LOC128462377: variants seen among roughly 807,000 people sequenced by gnomAD.
chr16:89,353,360 G>A, the LOC128462377 span, among the ~76,000 whole-genome samples: 1 of 150,644 alleles, frequency 6.6e-6, no homozygotes, highest in South Asian at 2.1e-4. Context: ...AAGAGAGAGA[G>A]AGAGAGAGAG....
At chr16:89,343,463 A>C in the LOC128462377 span, among the ~76,000 whole-genome samples, 1 of 152,236 alleles carries the variant, frequency 6.6e-6, no homozygotes, top group Non-Finnish European at 1.5e-5. Context: ...AAGCCAGGGT[A>C]CACAGGTATT....
At chr16:89,317,073 C>T in the LOC128462377 span, 26 of 1,561,310 alleles carry the variant, frequency 1.7e-5, no homozygotes, top group Admixed American at 1.3e-4. Context: ...CATCATCAAC[C>T]GTCTGCTTCA....
the LOC128462377 span, among the ~76,000 whole-genome samples, chr16:89,369,566 A>G: frequency 6.6e-6 from 1 of 152,242 alleles, no homozygotes; most frequent in Non-Finnish European, 1.5e-5. Flanking sequence ...CCACAGACAG[A>G]AAACAAGACT....
At chr16:89,355,389 T>G in the LOC128462377 span, among the ~76,000 whole-genome samples, 1 of 152,212 alleles carries the variant, frequency 6.6e-6, no homozygotes, top group Non-Finnish European at 1.5e-5. Flanking sequence ...ACAGAAGAGC[T>G]GATTAAGTTT....
the LOC128462377 span, among the ~76,000 whole-genome samples, chr16:89,326,121 A>T: frequency 6.6e-6 from 1 of 152,240 alleles, no homozygotes; most frequent in Non-Finnish European, 1.5e-5. Flanking sequence ...AAATGTGATG[A>T]AGACAAAGAA....
the LOC128462377 span, among the ~76,000 whole-genome samples, chr16:89,414,739 C>T: frequency 6.6e-6 from 1 of 152,046 alleles, no homozygotes; most frequent in African/African-American, 2.4e-5. Flanking sequence ...CACACCTGGC[C>T]CAACCTCAGG....
the LOC128462377 span, among the ~76,000 whole-genome samples, chr16:89,383,123 G>C: frequency 6.6e-6 from 1 of 152,244 alleles, no homozygotes; most frequent in African/African-American, 2.4e-5. Flanking sequence ...GGGTGTGCTG[G>C]CTCATGCGGA....
At chr16:89,385,985 G>A in the LOC128462377 span, among the ~76,000 whole-genome samples, 2 of 152,202 alleles carry the variant, frequency 1.3e-5, no homozygotes, top group African/African-American at 2.4e-5. Flanking sequence ...GGCTCAAGCC[G>A]GCCTCCCGCT....
At chr16:89,409,389 C>T in the LOC128462377 span, among the ~76,000 whole-genome samples, 1 of 152,222 alleles carries the variant, frequency 6.6e-6, no homozygotes, top group African/African-American at 2.4e-5. Context: ...CGGTCCCCAT[C>T]CTCAGGCCAT....
chr16:89,354,023 T>C, the LOC128462377 span, among the ~76,000 whole-genome samples: 2 of 152,050 alleles, frequency 1.3e-5, no homozygotes, highest in Non-Finnish European at 2.9e-5. Flanking sequence ...TGTAAATAAT[T>C]GATGGGAGCC....
At chr16:89,357,743 C>T in the LOC128462377 span, among the ~76,000 whole-genome samples, 1 of 152,216 alleles carries the variant, frequency 6.6e-6, no homozygotes, top group Non-Finnish European at 1.5e-5. Context: ...GGACAAACAG[C>T]AGCTGCACAA....
At chr16:89,341,509 C>T in the LOC128462377 span, among the ~76,000 whole-genome samples, 1 of 152,156 alleles carries the variant, frequency 6.6e-6, no homozygotes, top group African/African-American at 2.4e-5. Flanking sequence ...CGGCTCTAAA[C>T]ATATGTGCAG....
the LOC128462377 span, among the ~76,000 whole-genome samples, chr16:89,385,807 C>T: frequency 9.2e-5 from 14 of 152,370 alleles, no homozygotes; most frequent in East Asian, 3.9e-4. Flanking sequence ...TGCCTCACCC[C>T]CGCCGCTGCG....
the LOC128462377 span, among the ~76,000 whole-genome samples, chr16:89,417,547 A>C: frequency 6.6e-6 from 1 of 152,188 alleles, no homozygotes; most frequent in East Asian, 1.9e-4. Context: ...AGTGACTCCC[A>C]GGAGGAGGCA....
the LOC128462377 span, among the ~76,000 whole-genome samples, chr16:89,330,526 G>C: frequency 1.1e-4 from 16 of 152,170 alleles, no homozygotes; most frequent in African/African-American, 3.6e-4. Context: ...CGTGGCAGCG[G>C]GTTTCCACAG....
the LOC128462377 span, among the ~76,000 whole-genome samples, chr16:89,359,583 G>A: frequency 3.0e-4 from 45 of 152,328 alleles, no homozygotes; most frequent in South Asian, 7.7e-3. Flanking sequence ...CTGAGCCTTG[G>A]CTGCTGGCCG....
the LOC128462377 span, among the ~76,000 whole-genome samples, chr16:89,381,376 A>G: frequency 6.6e-6 from 1 of 150,410 alleles, no homozygotes; most frequent in South Asian, 2.1e-4. Flanking sequence ...GGCAAGCAAG[A>G]GTTCAGACTA....
At chr16:89,403,747 G>A in the LOC128462377 span, 1 of 152,152 alleles carries the variant, frequency 6.6e-6, no homozygotes, top group Non-Finnish European at 1.5e-5. Context: ...CTGGGCAACA[G>A]AGCAAGCCCA....
chr16:89,387,857 T>C, the LOC128462377 span, among the ~76,000 whole-genome samples: 2 of 150,592 alleles, frequency 1.3e-5, no homozygotes, highest in African/African-American at 4.9e-5. Context: ...TCAAAAAAAT[T>C]AGCCAGGCGT....
Sources: gnomAD v4.1 joint callset for allele counts (sites outside exome capture counted in the v4.1 genomes callset) on GRCh38, gnomAD v4.1.1 for gene constraint, MANE v1.5 for transcripts.